Variants in AKR1D1 observed in about 807,000 individuals in gnomAD.
The protein encoded by AKR1D1 is delta(4)-3-ketosteroid 5-beta-reductase.
Under a neutral mutation model 42.6 loss-of-function variants are expected in AKR1D1, and 32 were observed. The ratio of observed to expected loss-of-function variants is 0.75; its 90% CI spans 0.57 to 1.01. The LOEUF is 1.01. AKR1D1 is among the 50% of genes least tolerant of loss of function. AKR1D1 has a pLI of 0.00. For synonymous variants in AKR1D1, 123 were observed against 135.5 expected, an observed-to-expected ratio of 0.91 and a Z score of 0.64; for missense variants, 364 against 402.2, an observed-to-expected ratio of 0.91 and a Z score of 0.81.
chr7:138,106,369 TA>T (rs1219603057), intron 5 of AKR1D1, among the ~76,000 whole-genome samples: 1 of 152,166 alleles, frequency 6.6e-6, no homozygotes, highest in Non-Finnish European at 1.5e-5. Context: ...AGGGGATGAT[TA>T]AATAAGTTAC....
chr7:138,107,413 AGG>A lies in AKR1D1; in HGVS notation c.690_691del (p.Trp230CysfsTer23), dbSNP rs1201480193. The A allele has an allele frequency of 6.2e-7, 1 of 1,613,852 alleles. No individual in the cohort carries two copies. The highest frequency in any genetic ancestry group is 8.5e-7 in the Non-Finnish European group (1 of 1,179,768). ...TATGATGCATGTTTTGATATTTTTA[AGG>A]GTGAATGTTTCTTCTCCACCTTTGT... On this transcript the variant is annotated splice_acceptor_variant and coding_sequence_variant, in exon 7 of 9. Coordinates refer to ENST00000242375, the MANE Select transcript of AKR1D1 (RefSeq NM_005989.4). LOFTEE classifies it high-confidence loss of function.
chr7:138,092,383 A>AT (rs1225622476), intron 3 of AKR1D1, among the ~76,000 whole-genome samples: 4 of 152,306 alleles, frequency 2.6e-5, no homozygotes, highest in South Asian at 4.1e-4. Context: ...CAAATGTCAG[A>AT]TTTCTAACCT....
chr7:138,086,617 C>T (rs1278223994), intron 1 of AKR1D1, among the ~76,000 whole-genome samples: 1 of 152,156 alleles, frequency 6.6e-6, no homozygotes, highest in Non-Finnish European at 1.5e-5. Flanking sequence ...CTATATCCTG[C>T]CCAGGACTAT....
chr7:138,077,807 AT>A (rs1802972044), intron 1 of AKR1D1, among the ~76,000 whole-genome samples: 1 of 152,216 alleles, frequency 6.6e-6, no homozygotes, highest in Non-Finnish European at 1.5e-5. Context: ...GTATAGAGAC[AT>A]TTTAGTTAGA....
intron 7 of AKR1D1, 97 bp from the exon 8 acceptor site, chr7:138,113,593 A>C: frequency 4.1e-6 from 4 of 980,072 alleles, no homozygotes; most frequent in Non-Finnish European, 6.4e-6. Context: ...ACATTTGCAG[A>C]GATATTCATA....
intron 3 of AKR1D1, among the ~76,000 whole-genome samples, chr7:138,092,206 G>A (rs1010417608): frequency 2.6e-5 from 4 of 152,142 alleles, no homozygotes; most frequent in Admixed American, 6.5e-5. Flanking sequence ...TTAATTCAAT[G>A]CAATTTCTAT....
chr7:138,105,515 G>A, intron 5 of AKR1D1, 86 bp downstream of exon 5: 2 of 1,571,256 alleles, frequency 1.3e-6, no homozygotes, highest in Non-Finnish European at 1.7e-6. Flanking sequence ...GAGTCAGGAA[G>A]GCTCATGATT....
intron 7 of AKR1D1, 112 bp downstream of exon 7, chr7:138,107,692 A>G (rs1321180101): frequency 8.4e-7 from 1 of 1,188,516 alleles, no homozygotes; most frequent in African/African-American, 1.5e-5. Flanking sequence ...ATTTTATTTT[A>G]TACCAGCCCC....
intron 2 of AKR1D1, among the ~76,000 whole-genome samples, chr7:138,089,337 C>T (rs771866919): frequency 1.8e-4 from 26 of 148,022 alleles, no homozygotes; most frequent in Non-Finnish European, 2.8e-4. Flanking sequence ...AGTGACACAG[C>T]GAGACCCTCT....
intron 1 of AKR1D1, among the ~76,000 whole-genome samples, chr7:138,084,140 C>T (rs1803115815): frequency 6.6e-6 from 1 of 151,802 alleles, no homozygotes; most frequent in Non-Finnish European, 1.5e-5. Flanking sequence ...CCTTTTTCAT[C>T]TCCTACACCT....
intron 4 of AKR1D1, among the ~76,000 whole-genome samples, chr7:138,099,257 A>G (rs1794244738): frequency 2.6e-5 from 4 of 152,206 alleles, no homozygotes; most frequent in Admixed American, 2.6e-4. Context: ...ATTCTGTTCT[A>G]AGGGACTGCC....
Position 138,076,487 on chromosome 7 carries a change from T to A in AKR1D1, c.-32T>A, listed in dbSNP as rs780215526. Reference sequence around the variant, plus strand: ...TTTCTAAAAAGACTCCCTGTGGTGTTCAGAATCACTCCTACAGTCAGGTTC... The same window carrying A: ...TTTCTAAAAAGACTCCCTGTGGTGTACAGAATCACTCCTACAGTCAGGTTC... On this transcript the variant is annotated 5_prime_UTR_variant, in exon 1 of 9. Transcript: ENST00000242375. 1.3e-6 allele frequency: 2 copies of A among 1,581,730 alleles called. No homozygotes were observed. The highest frequency in any genetic ancestry group is 2.2e-5 in the South Asian group (2 of 90,342).
At chr7:138,090,987 G>T (rs1037994841) in intron 2 of AKR1D1, among the ~76,000 whole-genome samples, 1 of 152,202 alleles carries the variant, frequency 6.6e-6, no homozygotes, top group Non-Finnish European at 1.5e-5. Flanking sequence ...AGGACCCAGT[G>T]AAGCCACACG....
intron 3 of AKR1D1, among the ~76,000 whole-genome samples, chr7:138,093,595 C>T (rs1303727007): frequency 2.0e-5 from 3 of 152,168 alleles, no homozygotes; most frequent in Non-Finnish European, 4.4e-5. Flanking sequence ...CATGGAGCTG[C>T]CATCTCCTGT....
At chr7:138,084,336 C>T (rs1585720918) in intron 1 of AKR1D1, among the ~76,000 whole-genome samples, 1 of 145,962 alleles carries the variant, frequency 6.9e-6, no homozygotes, top group East Asian at 2.1e-4. Context: ...GATTACGGCT[C>T]CCTGCAAATT....
chr7:138,111,551 G>C lies in AKR1D1; in HGVS notation c.856-2139G>C, dbSNP rs144376553. The stretch of plus-strand genomic sequence containing the variant: ...CAAACATTTACTGAAAGGGAAAACT[G>C]TAGGGGAAGCAGTTTGAGAAGAACT... On this transcript the variant is annotated intron_variant, in intron 7 of 8. Transcript: ENST00000242375. Among the ~76,000 whole-genome samples, 687 of 152,230 alleles carry C rather than the reference G, an allele frequency of 4.5e-3. 5 individuals carry two copies. Among genetic ancestry groups the C allele is most frequent in the African/African-American group, 0.016 (666 of 41,536 alleles).
chr7:138,092,198 A>C (rs544088160), intron 3 of AKR1D1, among the ~76,000 whole-genome samples: 4 of 152,246 alleles, frequency 2.6e-5, no homozygotes, highest in African/African-American at 9.6e-5. Flanking sequence ...TTGATTTTTT[A>C]ATTCAATGCA....
intron 4 of AKR1D1, among the ~76,000 whole-genome samples, chr7:138,099,297 A>T (rs1279633733): frequency 6.6e-6 from 1 of 152,216 alleles, no homozygotes; most frequent in Non-Finnish European, 1.5e-5. Context: ...CCCAGGAAAA[A>T]ATGATTTCAC....
chr7:138,084,949 G>A (rs1432730361), intron 1 of AKR1D1, among the ~76,000 whole-genome samples: 5 of 149,100 alleles, frequency 3.4e-5, no homozygotes, highest in South Asian at 2.1e-4. Context: ...CCAGCTGCTC[G>A]GAAGGCTGAG....
Sources: gnomAD v4.1 joint callset for allele counts (sites outside exome capture counted in the v4.1 genomes callset) on GRCh38, gnomAD v4.1.1 for gene constraint, MANE v1.5 for transcripts, NCBI Gene and HGNC (gene_info 2026-07-23, HGNC 2026-07-21) for gene names.